The following SRBD1 variants were observed in gnomAD, a reference collection of about 807,000 sequenced individuals.
SRBD1 encodes the protein S1 RNA binding domain 1.
Under a neutral mutation model 115.3 loss-of-function variants are expected in SRBD1, and 88 were observed. The ratio of observed to expected loss-of-function variants is 0.76; its 90% CI spans 0.64 to 0.91. SRBD1 has a LOEUF of 0.91. Among genes scored for constraint, SRBD1 ranks in the 40% least tolerant of loss-of-function variants. SRBD1 has a pLI of 0.00. For missense variants in SRBD1, 1,385 were observed against 1,177.4 expected (o/e 1.18, Z -2.58); for synonymous variants, 509 against 407.7 (o/e 1.25, Z -2.99).
At chr2:45,407,452 T>C (rs1667471022) in intron 19 of SRBD1, among the ~76,000 whole-genome samples, 1 of 152,230 alleles carries the variant, frequency 6.6e-6, no homozygotes, top group Admixed American at 6.5e-5. Context: ...CAAAGGGTAC[T>C]TTCTAATTGT....
chr2:45,413,246 G>A lies in SRBD1; in HGVS notation c.2381C>T (p.Ser794Phe), dbSNP rs1043711296. 1.9e-6 allele frequency: 3 copies of A among 1,614,060 alleles called. No individual in the cohort carries two copies. The highest frequency in any genetic ancestry group is 2.5e-6 in the Non-Finnish European group (3 of 1,179,986). The change falls in exon 19 of 21, where the codon TCT (serine) becomes TTT (phenylalanine). Residue 794 changes from serine to phenylalanine, a missense_variant. Transcript: ENST00000263736. ...ATTTGTGACCTCAACGTCTGCTGAAGATGTCACAGCAACTCCTTGAATTTG... is the reference window on the plus strand; with the variant it reads ...ATTTGTGACCTCAACGTCTGCTGAAAATGTCACAGCAACTCCTTGAATTTG... ...SGQIQGVAVT[S>F]SADVEVTNEK...
At chr2:45,411,628 G>C (rs1054805704) in intron 19 of SRBD1, among the ~76,000 whole-genome samples, 11 of 152,074 alleles carry the variant, frequency 7.2e-5, no homozygotes, top group African/African-American at 2.7e-4. Context: ...ACAGCAGTTT[G>C]GTTACACAGA....
At chr2:45,577,179 T>A (rs1302285207) in intron 7 of SRBD1, among the ~76,000 whole-genome samples, 1 of 152,066 alleles carries the variant, frequency 6.6e-6, no homozygotes. Flanking sequence ...TCAGAATCAT[T>A]TGGGACACTC....
chr2:45,596,924 A>G (rs1356890418), intron 4 of SRBD1, among the ~76,000 whole-genome samples: 1 of 90,804 alleles, frequency 1.1e-5, no homozygotes, highest in Non-Finnish European at 2.1e-5. Context: ...CCCCCCCACA[A>G]CCCTAACACA....
chr2:45,430,360 A>G (rs1427644765), intron 16 of SRBD1, among the ~76,000 whole-genome samples: 1 of 152,218 alleles, frequency 6.6e-6, no homozygotes, highest in African/African-American at 2.4e-5. Flanking sequence ...AAAAGAACAA[A>G]GCTGGAGGCA....
intron 14 of SRBD1, among the ~76,000 whole-genome samples, chr2:45,528,713 T>C (rs575068490): frequency 2.0e-5 from 3 of 151,820 alleles, no homozygotes; most frequent in East Asian, 1.9e-4. Context: ...AAAGAAGATA[T>C]ACAGAGAAGA....
chr2:45,500,284 T>A (rs1259389838), intron 14 of SRBD1, among the ~76,000 whole-genome samples: 1 of 145,152 alleles, frequency 6.9e-6, no homozygotes, highest in Non-Finnish European at 1.5e-5. Context: ...TGTCTCTGTG[T>A]GTGTGTGTGT....
intron 20 of SRBD1, among the ~76,000 whole-genome samples, chr2:45,392,123 T>TA (rs531425686): frequency 8.8e-4 from 133 of 150,634 alleles, no homozygotes; most frequent in Non-Finnish European, 1.4e-3. Flanking sequence ...TTCTTTAACT[T>TA]AAAAAAAAAC....
chr2:45,574,636 A>G lies in SRBD1; in HGVS notation c.1160T>C (p.Ile387Thr). 1 of 1,612,862 alleles carries G rather than the reference A, an allele frequency of 6.2e-7. No homozygotes were observed. The highest frequency in any genetic ancestry group is 8.5e-7 in the Non-Finnish European group (1 of 1,179,584). Residue 387 changes from isoleucine to threonine, a missense_variant, in exon 8 of 21, where the codon ATT becomes ACT. Physicochemically the swap from Ile to Thr is moderately conservative, Grantham distance 89. Coordinates refer to ENST00000263736, the MANE Select transcript of SRBD1 (RefSeq NM_018079.5). ...TAAAAGAGATACTCACAAGTTCCGA[A>G]TGAAGTCAAGCGTGTCTTTGTCTTT... ...IAKDKDTLDF[I>T]RNLCQKRHVC...
chr2:45,481,380 G>C (rs994115594), intron 15 of SRBD1, among the ~76,000 whole-genome samples: 7 of 152,114 alleles, frequency 4.6e-5, no homozygotes, highest in African/African-American at 1.7e-4. Context: ...TTGAAAGTAA[G>C]AGGGAGGTAG....
chr2:45,489,094 T>C (rs1042198770), intron 14 of SRBD1, among the ~76,000 whole-genome samples: 2 of 152,204 alleles, frequency 1.3e-5, no homozygotes, highest in Non-Finnish European at 1.5e-5. Flanking sequence ...CTGACATTTG[T>C]ATGGGGATTG....
chr2:45,444,022 A>G (rs1162370946), intron 16 of SRBD1, among the ~76,000 whole-genome samples: 1 of 152,164 alleles, frequency 6.6e-6, no homozygotes, highest in African/African-American at 2.4e-5. Flanking sequence ...AAAATACAAA[A>G]TGTTACAGAG....
chr2:45,405,348 G>C (rs1448951282), intron 19 of SRBD1, among the ~76,000 whole-genome samples: 1 of 152,124 alleles, frequency 6.6e-6, no homozygotes, highest in East Asian at 1.9e-4. Flanking sequence ...TTTGTGTGGG[G>C]CTAGTGAGGA....
chr2:45,530,147 G>A (rs1488847792), intron 14 of SRBD1, among the ~76,000 whole-genome samples: 1 of 151,916 alleles, frequency 6.6e-6, no homozygotes, highest in Non-Finnish European at 1.5e-5. Context: ...AAAGGTAGTG[G>A]GAATTTCAGG....
In SRBD1 at chr2:45,389,327, G is replaced by A. The variant is rs1374505646; in HGVS notation, c.2971C>T (p.Leu991Phe). 5.0e-6 allele frequency: 8 copies of A among 1,613,740 alleles called. No homozygotes were observed. The highest frequency in any genetic ancestry group is 6.8e-6 in the Non-Finnish European group (8 of 1,179,778). ...TGGGATACTCATAACACCCGAATGA[G>A]GTCCAGAGTAATCCTAGATCGGGGG... ...DIPRSRITLD[L>F]IRVL The change falls in exon 21 of 21, where the codon CTC becomes TTC. Residue 991 changes from leucine to phenylalanine, a missense_variant. By Grantham distance (22) the Leu-to-Phe change is conservative. Transcript: ENST00000263736.
At chr2:45,546,058 T>C in intron 14 of SRBD1, 5 of 663,370 alleles carry the variant, frequency 7.5e-6, no homozygotes, top group Non-Finnish European at 9.3e-6. Flanking sequence ...TCTCCTAGAA[T>C]TAAATCCTTT....
chr2:45,488,859 TG>T (rs1423876625), intron 14 of SRBD1, among the ~76,000 whole-genome samples: 1 of 149,268 alleles, frequency 6.7e-6, no homozygotes, highest in Non-Finnish European at 1.5e-5. Flanking sequence ...AACCACAACA[TG>T]AAAAAAAAAA....
chr2:45,524,306 T>G (rs559716917), intron 14 of SRBD1, among the ~76,000 whole-genome samples: 3 of 151,938 alleles, frequency 2.0e-5, no homozygotes, highest in African/African-American at 7.2e-5. Context: ...GCTATGGTAA[T>G]TAGGCAAGAA....
chr2:45,402,812 C>T (rs10196899), intron 19 of SRBD1, among the ~76,000 whole-genome samples: 30,235 of 152,064 alleles, frequency 0.2, 4,576 homozygotes, highest in African/African-American at 0.42. Context: ...AAATCAGCAT[C>T]ATCTGCAGCA....
Sources: allele counts gnomAD v4.1 joint callset (sites outside exome capture counted in the v4.1 genomes callset), GRCh38; gene constraint gnomAD v4.1.1; transcripts MANE v1.5; gene names NCBI Gene and HGNC (gene_info 2026-07-23, HGNC 2026-07-21).